SEC24B: variants seen among roughly 807,000 people sequenced by gnomAD.
The protein encoded by SEC24B is protein transport protein Sec24B.
A neutral mutation model predicts 142.8 loss-of-function variants in SEC24B; 45 were observed. That is an observed-to-expected ratio of 0.32 (90% CI 0.25 to 0.40). SEC24B has a LOEUF of 0.40. SEC24B is among the 10% of genes least tolerant of loss of function. The probability of loss-of-function intolerance (pLI) is 1.00; values close to 1 mark genes in which losing one functional copy is unlikely to be tolerated. For missense variants in SEC24B, 1,409 were observed against 1,526.8 expected, an observed-to-expected ratio of 0.92 and a Z score of 1.29; for synonymous variants, 574 against 568.2, an observed-to-expected ratio of 1.01 and a Z score of -0.15.
intron 4 of SEC24B, among the ~76,000 whole-genome samples, chr4:109,483,080 A>G (rs940734468): frequency 8.6e-5 from 12 of 138,732 alleles, no homozygotes; most frequent in East Asian, 4.2e-4. Flanking sequence ...ATATGTATGT[A>G]TATATATATA....
chr4:109,493,269 G>A (rs1452941713), intron 5 of SEC24B, among the ~76,000 whole-genome samples: 1 of 139,730 alleles, frequency 7.2e-6, no homozygotes, highest in Non-Finnish European at 1.5e-5. Context: ...ATAAGGAGAT[G>A]TGATTCTTCA....
At chr4:109,520,889 G>T (rs1443543082) in intron 12 of SEC24B, among the ~76,000 whole-genome samples, 1 of 152,172 alleles carries the variant, frequency 6.6e-6, no homozygotes, top group East Asian at 1.9e-4. Context: ...CTACTCAGGA[G>T]GCTGAGGCAG....
At chr4:109,466,723 T>A (rs1045474695) in intron 2 of SEC24B, among the ~76,000 whole-genome samples, 1 of 152,210 alleles carries the variant, frequency 6.6e-6, no homozygotes, top group Non-Finnish European at 1.5e-5. Flanking sequence ...AGTTTTGTGT[T>A]AAATTCAACC....
chr4:109,463,976 ATTTTCTC>A (rs1561089416), intron 2 of SEC24B, among the ~76,000 whole-genome samples: 1 of 152,044 alleles, frequency 6.6e-6, no homozygotes, highest in Non-Finnish European at 1.5e-5. Flanking sequence ...GTTGGCCACT[ATTTTCTC>A]TTTTATACTA....
Position 109,533,612 on chromosome 4 carries a change from G to A in SEC24B, c.3515G>A (p.Gly1172Glu), listed in dbSNP as rs1725169302. The A allele has an allele frequency of 1.2e-6, 2 of 1,610,302 alleles. No individual in the cohort carries two copies. The highest frequency in any genetic ancestry group is 3.4e-5 in the Admixed American group (2 of 59,576). ...DCGSVFYIWV[G>E]KGCDNNFIED... ...TTTTAGGTTTTTTACATTTGGGTTG[G>A]GAAAGGCTGTGACAATAACTTCATA... is the stretch of plus-strand genomic sequence containing the variant. The change falls in exon 22 of 24, where the codon GGG becomes GAG. Residue 1172 changes from glycine to glutamate, a missense_variant. Transcript: ENST00000265175.
At chr4:109,444,359 A>T (rs17040439) in intron 1 of SEC24B, among the ~76,000 whole-genome samples, 26,550 of 151,868 alleles carry the variant, frequency 0.17, 2,623 homozygotes, top group African/African-American at 0.27. Flanking sequence ...GTTAAAAAGT[A>T]CTCTGGTGGT....
In SEC24B at chr4:109,475,857, A is replaced by G. The variant is rs142304370; in HGVS notation, c.1060+2671A>G. Among the ~76,000 whole-genome samples, 466 of 152,090 alleles carry G rather than the reference A, an allele frequency of 3.1e-3. 3 individuals are homozygous for G. The highest frequency in any genetic ancestry group is 0.01 in the African/African-American group (417 of 41,494). ...ACACTAGAAACTCTTTTATCACTCT[A>G]TTGTGCTTTTCCATGACCATAATAT... is the stretch of plus-strand genomic sequence containing the variant. On this transcript the variant is annotated intron_variant, in intron 3 of 23. Transcript: ENST00000265175.
At position 109,513,797 on chromosome 4, in the gene SEC24B, C is replaced by T. The variant is rs1180139705; in HGVS notation, c.1954C>T (p.His652Tyr). ...CCTTACCCGATCTTATGGAGAGCCT[C>T]ATAAACGACCAGAAGTTCAGAATTC... ...NPLTRSYGEP[H>Y]KRPEVQNSTV... The change falls in exon 10 of 24, where the codon CAT (histidine) becomes TAT (tyrosine). Residue 652 changes from histidine (H) to tyrosine (Y), a missense_variant. Around this residue, in one of 2 missense-constraint regions of SEC24B, gnomAD observed 700 missense variants for 853.3 expected, o/e 0.82. Transcript: ENST00000265175. 1 of 1,613,428 alleles carries T rather than the reference C, an allele frequency of 6.2e-7. No homozygotes were observed.
chr4:109,513,168 T>C (rs1363726842), intron 9 of SEC24B, among the ~76,000 whole-genome samples: 1 of 151,176 alleles, frequency 6.6e-6, no homozygotes, highest in African/African-American at 2.4e-5. Context: ...AGAGATGGGG[T>C]TTTACCATAT....
Position 109,521,156 on chromosome 4 carries a change from T to C in SEC24B, c.2285T>C (p.Leu762Pro). 1 of 1,518,402 alleles carries C rather than the reference T, an allele frequency of 6.6e-7. No individual in the cohort carries two copies. Among genetic ancestry groups the C allele is most frequent in the South Asian group, 1.2e-5 (1 of 86,510 alleles). The allele number at this position is 1,518,402 out of a possible 1,614,324, so 94.1% of individuals were successfully genotyped here. A position where few individuals can be genotyped will look rare whatever the true frequency, so the allele number is the denominator to read the frequency against. The change falls in exon 13 of 24, where the codon CTA becomes CCA. Residue 762 changes from leucine to proline, a missense_variant. This residue lies in a region of SEC24B where 700 missense variants were observed against 853.3 expected (regional missense o/e 0.82). Transcript: ENST00000265175. ...LPTPDSLLVN[L>P]YESKELIKDL... ...ACACCGGATAGTTTACTTGTGAATC[T>C]ATATGAAAGTAAAGAGGTAAGATTG...
In SEC24B at chr4:109,513,912, A is replaced by G. The variant is rs28723468; in HGVS notation, c.2013+56A>G. ...AACACAATTACATTGGTCATTTGTA[A>G]TTTTCTGTTAAGTGAACTCTTATCG... On this transcript the variant is annotated intron_variant, in intron 10 of 23. Transcript: ENST00000265175. The G allele has an allele frequency of 0.026, 29,899 of 1,159,188 alleles. 4,865 individuals carry two copies. The African/African-American group carries it at 0.37, about 14-fold the overall frequency. 71.8% of individuals were successfully genotyped at this position (1,159,188 alleles called of 1,614,324 possible). A position where few individuals can be genotyped will look rare whatever the true frequency, so the allele number is the denominator to read the frequency against.
At chr4:109,524,723 G>A (rs1355435230) in intron 14 of SEC24B, 95 bp from the exon 15 acceptor site, 5 of 1,119,282 alleles carry the variant, frequency 4.5e-6, no homozygotes, top group Non-Finnish European at 6.3e-6. Flanking sequence ...TCTTAGTTTG[G>A]TAGGGAGGCA....
intron 6 of SEC24B, among the ~76,000 whole-genome samples, chr4:109,496,924 AC>A (rs1433545399): frequency 2.0e-5 from 3 of 152,232 alleles, no homozygotes; most frequent in Admixed American, 1.3e-4. Flanking sequence ...TGATGAGAAA[AC>A]CAGGTTCAAA....
intron 11 of SEC24B, among the ~76,000 whole-genome samples, 156 bp from the exon 12 acceptor site, chr4:109,520,210 C>G (rs1296473068): frequency 1.3e-5 from 2 of 152,124 alleles, no homozygotes; most frequent in African/African-American, 2.4e-5. Flanking sequence ...GTCTTCTTCT[C>G]TGATATATAT....
chr4:109,523,359 A>G (rs1723865887), intron 14 of SEC24B, among the ~76,000 whole-genome samples: 1 of 152,030 alleles, frequency 6.6e-6, no homozygotes, highest in African/African-American at 2.4e-5. Context: ...AATCCCAGCT[A>G]CTCAGATGGC....
chr4:109,482,668 T>G (rs1733852430), intron 4 of SEC24B, among the ~76,000 whole-genome samples: 2 of 151,638 alleles, frequency 1.3e-5, no homozygotes, highest in South Asian at 4.2e-4. Context: ...AGACAGGATC[T>G]CACTGTGTCA....
In SEC24B at chr4:109,506,557, A is replaced by G. The variant is rs774443050; in HGVS notation, c.1673+45A>G. 6 of 1,247,242 alleles carry G rather than the reference A, an allele frequency of 4.8e-6. No individual in the cohort carries two copies. The South Asian group carries it at 1.0e-4, about 22-fold the overall frequency. The allele number at this position is 1,247,242 out of a possible 1,614,324, so 77.3% of individuals were successfully genotyped here. A position where few individuals can be genotyped will look rare whatever the true frequency, so the allele number is the denominator to read the frequency against. On this transcript the variant is annotated intron_variant, in intron 7 of 23. Coordinates refer to ENST00000265175, the MANE Select transcript of SEC24B (RefSeq NM_006323.5). ...ATAATCTTTCTTAAGTGATGAAAAC[A>G]TTGTATGACTTTCAAAAATAGTAAA... is the stretch of plus-strand genomic sequence containing the variant.
chr4:109,452,016 A>G (rs1326234720), intron 1 of SEC24B, among the ~76,000 whole-genome samples: 1 of 151,916 alleles, frequency 6.6e-6, no homozygotes, highest in Non-Finnish European at 1.5e-5. Context: ...TTAGATAAAC[A>G]TATGTAATCA....
intron 2 of SEC24B, among the ~76,000 whole-genome samples, chr4:109,469,848 GA>G (rs1561097960): frequency 6.6e-6 from 1 of 152,020 alleles, no homozygotes; most frequent in Non-Finnish European, 1.5e-5. Flanking sequence ...ATGAAAAAAA[GA>G]AAAACATAAG....
Sources: gnomAD v4.1 joint callset for allele counts (sites outside exome capture counted in the v4.1 genomes callset) on GRCh38, gnomAD v4.1.1 for gene constraint, gnomAD v4.1.1 regional missense constraint, MANE v1.5 for transcripts, NCBI Gene and HGNC (gene_info 2026-07-23, HGNC 2026-07-21) for gene names.